The following PCDH11X variants were observed in gnomAD, a reference collection of about 807,000 sequenced individuals.
PCDH11X encodes the protein protocadherin-11 X-linked.
A neutral mutation model predicts 53.3 loss-of-function variants in PCDH11X; 18 were observed. The observed-to-expected ratio is 0.34, with a 90% CI of 0.23 to 0.50. The LOEUF (loss-of-function observed/expected upper bound fraction) is 0.50, where lower values mean the gene tolerates loss of function less well. PCDH11X is among the 20% of genes least tolerant of loss of function. The pLI is 0.98. For synonymous variants in PCDH11X, 279 were observed against 393.3 expected, an observed-to-expected ratio of 0.71 and a Z score of 3.44; for missense variants, 570 against 1,032.4, an observed-to-expected ratio of 0.55 and a Z score of 6.14.
intron 7 of PCDH11X, among the ~76,000 whole-genome samples, chrX:92,204,918 A>C (rs1474047222): frequency 1.8e-5 from 2 of 111,463 alleles, no homozygotes; most frequent in Non-Finnish European, 3.8e-5. Flanking sequence ...CCCCTTATAA[A>C]ACCATCAGAT....
intron 8 of PCDH11X, among the ~76,000 whole-genome samples, chrX:92,358,602 C>T (rs1307291626): frequency 9.6e-6 from 1 of 103,878 alleles, no homozygotes; most frequent in Non-Finnish European, 2.0e-5. Context: ...CATAATAACC[C>T]GGTTTGTACT....
At chrX:92,605,794 A>G (rs1926724961) in intron 10 of PCDH11X, among the ~76,000 whole-genome samples, 1 of 111,629 alleles carries the variant, frequency 9.0e-6, no homozygotes, top group Admixed American at 9.5e-5. Flanking sequence ...AAAATTCTAA[A>G]CTATTGGTGA....
At chrX:92,552,474 A>G (rs1293226580) in intron 10 of PCDH11X, among the ~76,000 whole-genome samples, 1 of 104,267 alleles carries the variant, frequency 9.6e-6, no homozygotes, top group Non-Finnish European at 2.0e-5. Flanking sequence ...AGATCATATC[A>G]GCTATAAACA....
At chrX:92,057,622 A>G (rs1240179798) in intron 6 of PCDH11X, among the ~76,000 whole-genome samples, 1 of 109,434 alleles carries the variant, frequency 9.1e-6, no homozygotes, top group East Asian at 2.9e-4. Flanking sequence ...TAATTCAGTT[A>G]TCAGAATATC....
At chrX:92,138,916 C>A (rs1190441033) in intron 6 of PCDH11X, among the ~76,000 whole-genome samples, 3 of 109,326 alleles carry the variant, frequency 2.7e-5, no homozygotes, top group African/African-American at 1.0e-4. Flanking sequence ...GGCCTTCCAT[C>A]AACATTATGT....
chrX:91,924,001 C>T (rs1280665493), intron 6 of PCDH11X, among the ~76,000 whole-genome samples: 1 of 108,637 alleles, frequency 9.2e-6, no homozygotes, highest in Non-Finnish European at 1.9e-5. Context: ...TGTAACAAAC[C>T]TGCACATGTA....
chrX:92,078,403 A>G (rs1419406401), intron 6 of PCDH11X, among the ~76,000 whole-genome samples: 1 of 111,275 alleles, frequency 9.0e-6, no homozygotes, highest in Non-Finnish European at 1.9e-5. Flanking sequence ...TTGAAACTCA[A>G]CATTAGATGT....
intron 10 of PCDH11X, among the ~76,000 whole-genome samples, chrX:92,545,944 G>A (rs922450337): frequency 1.9e-5 from 2 of 106,675 alleles, no homozygotes; most frequent in Non-Finnish European, 3.9e-5. Context: ...GTATGATATG[G>A]TGTAGGGGAA....
intron 7 of PCDH11X, among the ~76,000 whole-genome samples, chrX:92,217,341 T>G (rs1249457210): frequency 9.4e-6 from 1 of 105,856 alleles, no homozygotes; most frequent in East Asian, 3.0e-4. Flanking sequence ...AGGCTCAAAA[T>G]AAAAGGATGG....
At chrX:91,780,907 G>T (rs1184856379) in intron 1 of PCDH11X, among the ~76,000 whole-genome samples, 2 of 112,359 alleles carry the variant, frequency 1.8e-5, no homozygotes, top group African/African-American at 6.5e-5. Context: ...CTCTCCCAGG[G>T]AAAGACTTTT....
intron 10 of PCDH11X, among the ~76,000 whole-genome samples, chrX:92,503,464 T>TATCCTC: frequency 9.3e-6 from 1 of 107,409 alleles, no homozygotes; most frequent in Non-Finnish European, 1.9e-5. Flanking sequence ...AGCAAAGTCA[T>TATCCTC]AGAATCAACC....
At chrX:92,347,954 CAT>C (rs1454113060) in intron 8 of PCDH11X, among the ~76,000 whole-genome samples, 1 of 111,460 alleles carries the variant, frequency 9.0e-6, no homozygotes, top group African/African-American at 3.3e-5. Context: ...AAGAAAAAGA[CAT>C]TATACATCAG....
chrX:92,004,243 A>T (rs1195530573), intron 6 of PCDH11X, among the ~76,000 whole-genome samples: 2 of 112,026 alleles, frequency 1.8e-5, no homozygotes, highest in Non-Finnish European at 3.8e-5. Context: ...GTCAGAGAAA[A>T]TGCCAGATAT....
At chrX:92,551,574 G>A (rs1447093232) in intron 10 of PCDH11X, among the ~76,000 whole-genome samples, 4 of 106,883 alleles carry the variant, frequency 3.7e-5, no homozygotes, top group Admixed American at 3.0e-4. Flanking sequence ...ATGTGATCTC[G>A]TTTGTTTATT....
chrX:92,051,637 T>C (rs1022477040), intron 6 of PCDH11X, among the ~76,000 whole-genome samples: 6 of 111,678 alleles, frequency 5.4e-5, no homozygotes, highest in African/African-American at 1.9e-4. Flanking sequence ...TGAGAGTGTA[T>C]AGAGTTTCAT....
At chrX:92,404,546 A>G (rs776291608) in intron 9 of PCDH11X, among the ~76,000 whole-genome samples, 46 of 110,450 alleles carry the variant, frequency 4.2e-4, no homozygotes, top group African/African-American at 1.3e-3. Flanking sequence ...TTTATACAAG[A>G]CATTTATCCT....
intron 8 of PCDH11X, among the ~76,000 whole-genome samples, chrX:92,375,164 A>ATTTTTTTTTT (rs1817360852): frequency 1.0e-4 from 1 of 9,961 alleles, no homozygotes; most frequent in African/African-American, 3.3e-4. Flanking sequence ...ATATATATAT[A>ATTTTTTTTTT]TATTTTTTTT....
At chrX:92,082,156 C>G (rs779330704) in intron 6 of PCDH11X, among the ~76,000 whole-genome samples, 1 of 110,576 alleles carries the variant, frequency 9.0e-6, no homozygotes, top group South Asian at 3.9e-4. Context: ...CTCTTATGCA[C>G]TTAAGGAGTT....
intron 7 of PCDH11X, among the ~76,000 whole-genome samples, chrX:92,255,821 C>T (rs1238326941): frequency 8.9e-6 from 1 of 112,217 alleles, no homozygotes; most frequent in Non-Finnish European, 1.9e-5. Context: ...ACTGGGAGAA[C>T]CACTGCTCTC....
Sources: allele counts gnomAD v4.1 joint callset (sites outside exome capture counted in the v4.1 genomes callset), GRCh38; gene constraint gnomAD v4.1.1; transcripts MANE v1.5; gene names NCBI Gene and HGNC (gene_info 2026-07-23, HGNC 2026-07-21).